Variants in SORL1 observed in about 807,000 individuals in gnomAD.
The protein encoded by SORL1 is sortilin-related receptor.
In SORL1, 127 loss-of-function variants were observed where a neutral mutation model predicts 273.7. The observed-to-expected ratio is 0.46, with a 90% CI of 0.40 to 0.54. SORL1 has a LOEUF of 0.54. Among genes scored for constraint, SORL1 ranks in the 20% least tolerant of loss-of-function variants. The pLI is 0.00. For synonymous variants in SORL1, 1,031 were observed against 1,067.4 expected (o/e 0.97, Z 0.66); for missense variants, 2,494 against 2,846.1 (o/e 0.88, Z 2.81).
chr11:121,557,648 C>G (rs2134908001), intron 19 of SORL1, among the ~76,000 whole-genome samples: 1 of 152,270 alleles, frequency 6.6e-6, no homozygotes, highest in South Asian at 2.1e-4. Context: ...GGTTGTTTCT[C>G]TAGAAAAGTT....
chr11:121,538,183 A>ATT (rs11399955), intron 12 of SORL1, among the ~76,000 whole-genome samples: 3,610 of 146,506 alleles, frequency 0.025, 110 homozygotes, highest in Admixed American at 0.083. Flanking sequence ...GGTGGCTCCT[A>ATT]TTTTTTTTTT....
At chr11:121,508,747 C>T (rs887203222) in intron 6 of SORL1, among the ~76,000 whole-genome samples, 4 of 152,178 alleles carry the variant, frequency 2.6e-5, no homozygotes, top group African/African-American at 7.2e-5. Context: ...GCTATTTTTG[C>T]CAAGATTCAG....
At chr11:121,555,382 C>T (rs1272589710) in intron 18 of SORL1, 64 bp downstream of exon 18, 1 of 1,586,922 alleles carries the variant, frequency 6.3e-7, no homozygotes, top group Non-Finnish European at 8.6e-7. Context: ...CTTTGAGCCA[C>T]ATTTGACACA....
intron 1 of SORL1, among the ~76,000 whole-genome samples, chr11:121,453,518 A>G (rs1860847317): frequency 6.6e-6 from 1 of 152,116 alleles, no homozygotes; most frequent in Admixed American, 6.5e-5. Context: ...CAAAAGTATA[A>G]GGTCGGTGGG....
At chr11:121,526,323 T>C (rs532143531) in intron 11 of SORL1, among the ~76,000 whole-genome samples, 8 of 152,318 alleles carry the variant, frequency 5.3e-5, no homozygotes, top group African/African-American at 1.9e-4. Flanking sequence ...CCCATTAATC[T>C]GTCTGTCTTT....
chr11:121,574,770 T>C (rs1862902229), intron 24 of SORL1, among the ~76,000 whole-genome samples: 1 of 152,064 alleles, frequency 6.6e-6, no homozygotes, highest in South Asian at 2.1e-4. Flanking sequence ...GTCTGAAAAA[T>C]GGGGAAATGG....
rs1183117443 is a variant in SORL1 at position 121,633,475 on chromosome 11, C to T, written c.*3912C>T. 1 of 152,196 alleles carries T rather than the reference C, an allele frequency of 6.6e-6. No individual in the cohort carries two copies. Among genetic ancestry groups the T allele is most frequent in the Non-Finnish European group, 1.5e-5 (1 of 68,026 alleles). The allele number at this position is 152,196 out of a possible 1,614,324, so 9.4% of individuals were successfully genotyped here. On this transcript the variant is annotated 3_prime_UTR_variant, in exon 48 of 48. Coordinates refer to ENST00000260197, the MANE Select transcript of SORL1 (RefSeq NM_003105.6). ...ATTTGCGGCAAAATAAAGGCCTATT[C>T]TACTCTTATTTAAAGTGAAACACTG...
In SORL1 at chr11:121,632,784, A is replaced by G. The variant is rs1863892336; in HGVS notation, c.*3221A>G. Reference sequence around the variant, plus strand: ...CATCTAGTAAGATTATATTTCCAGTACACTTCCTTAGGGCAGAAACACCAT... The same window carrying G: ...CATCTAGTAAGATTATATTTCCAGTGCACTTCCTTAGGGCAGAAACACCAT... On this transcript the variant is annotated 3_prime_UTR_variant, in exon 48 of 48. Coordinates refer to ENST00000260197, the MANE Select transcript of SORL1 (RefSeq NM_003105.6). 1 of 152,018 alleles carries G rather than the reference A, an allele frequency of 6.6e-6. No homozygotes were observed. The allele number at this position is 152,018 out of a possible 1,614,324, so 9.4% of individuals were successfully genotyped here.
At chr11:121,541,306 ATCCT>A (rs1862345342) in intron 12 of SORL1, among the ~76,000 whole-genome samples, 2 of 151,872 alleles carry the variant, frequency 1.3e-5, no homozygotes, top group South Asian at 2.1e-4. Context: ...GACTCAAGCA[ATCCT>A]CACACCTCAG....
At chr11:121,480,506 T>A (rs1861355738) in intron 3 of SORL1, among the ~76,000 whole-genome samples, 1 of 152,052 alleles carries the variant, frequency 6.6e-6, no homozygotes, top group Non-Finnish European at 1.5e-5. Flanking sequence ...CGAAAATGCC[T>A]TGTTGTCCCT....
chr11:121,539,522 T>G (rs1862313926), intron 12 of SORL1, among the ~76,000 whole-genome samples: 1 of 152,248 alleles, frequency 6.6e-6, no homozygotes, highest in African/African-American at 2.4e-5. Flanking sequence ...GAATTTATTT[T>G]GTACTGATTT....
At position 121,522,700 on chromosome 11, in the gene SORL1, A is replaced by G. The variant is rs1232303848; in HGVS notation, c.1519A>G (p.Thr507Ala). 3 of 1,610,340 alleles carry G rather than the reference A, an allele frequency of 1.9e-6. No individual in the cohort carries two copies. Among genetic ancestry groups the G allele is most frequent in the African/African-American group, 1.3e-5 (1 of 74,810 alleles). The change falls in exon 10 of 48, where the codon ACT (threonine) becomes GCT (alanine). Residue 507 changes from threonine to alanine, a missense_variant. Thr to Ala is a moderately conservative substitution (Grantham distance 58). Transcript: ENST00000260197. ...GTCGGCTCCAGGCCTCATCATCGCC[A>G]CTGGTAAGTGTGCTTGCCTGTTCTC... The part of the protein sequence containing the change: ...KESAPGLIIA[T>A]GSVGKNLASK...
At position 121,619,758 on chromosome 11, in the gene SORL1, T is replaced by C. The variant is rs1863694860; in HGVS notation, c.5730T>C (p.Arg1910=). The part of the protein sequence containing the change: ...SKDEQYLFLV[R]VVVPYQGPSS... ...CGTGTGTGCTTGGGCTTCAGGTCCG[T>C]GTAGTGGTACCCTACCAGGGGCCAT... The change falls in exon 43 of 48, where the codon CGT becomes CGC. Residue 1910 remains arginine (R), a synonymous_variant. Transcript: ENST00000260197. The C allele has an allele frequency of 6.8e-6, 11 of 1,613,878 alleles. No individual in the cohort carries two copies. The highest frequency in any genetic ancestry group is 9.3e-6 in the Non-Finnish European group (11 of 1,179,862).
chr11:121,630,293 TC>T lies in SORL1; in HGVS notation c.*731del, dbSNP rs751854871. ...GAAGCCCTGTAAGCCCACAGCTTCC[TC>T]TCTTATATTAATTGATGGAATTTTA... On this transcript the variant is annotated 3_prime_UTR_variant, in exon 48 of 48. Transcript: ENST00000260197. The T allele has an allele frequency of 6.6e-6, 1 of 152,218 alleles. No individual in the cohort carries two copies. Among genetic ancestry groups the T allele is most frequent in the Non-Finnish European group, 1.5e-5 (1 of 68,052 alleles). The allele number at this position is 152,218 out of a possible 1,614,324, so 9.4% of individuals were successfully genotyped here.
intron 16 of SORL1, among the ~76,000 whole-genome samples, chr11:121,551,418 G>A (rs1222234881): frequency 1.3e-5 from 2 of 152,172 alleles, no homozygotes; most frequent in South Asian, 2.1e-4. Context: ...TCTAAAACAC[G>A]TTTCTGCTAG....
At chr11:121,519,212 C>G (rs1861998363) in intron 8 of SORL1, among the ~76,000 whole-genome samples, 1 of 152,064 alleles carries the variant, frequency 6.6e-6, no homozygotes, top group African/African-American at 2.4e-5. Flanking sequence ...TCCCAAAGTG[C>G]TGGGATTACA....
chr11:121,503,108 A>T (rs1861736341), intron 6 of SORL1, among the ~76,000 whole-genome samples: 1 of 151,936 alleles, frequency 6.6e-6, no homozygotes, highest in South Asian at 2.1e-4. Context: ...GGGCTCAAGC[A>T]GTCCTCCCAC....
At chr11:121,534,345 G>C (rs1295867165) in intron 12 of SORL1, among the ~76,000 whole-genome samples, 1 of 152,208 alleles carries the variant, frequency 6.6e-6, no homozygotes, top group Non-Finnish European at 1.5e-5. Flanking sequence ...TGTGCTCAGG[G>C]AACGCAGCGT....
chr11:121,543,596 G>GA lies in SORL1; in HGVS notation c.1736dup (p.Pro580AlafsTer50). The GA allele has an allele frequency of 6.2e-7, 1 of 1,614,128 alleles. No homozygotes were observed. Among genetic ancestry groups the GA allele is most frequent in the Non-Finnish European group, 8.5e-7 (1 of 1,179,946 alleles). ...CCTGGAAAACATTCATCTTCTCTGA[G>GA]AAGCCAGTGTTTGTGTATGGCCTCC... is the stretch of plus-strand genomic sequence containing the variant. On this transcript the variant is annotated frameshift_variant, in exon 13 of 48. Transcript: ENST00000260197. LOFTEE classifies it high-confidence loss of function.
Sources: gnomAD v4.1 joint callset for allele counts (sites outside exome capture counted in the v4.1 genomes callset) on GRCh38, gnomAD v4.1.1 for gene constraint, MANE v1.5 for transcripts, NCBI Gene and HGNC (gene_info 2026-07-23, HGNC 2026-07-21) for gene names.